Variants in PJVK observed in about 807,000 individuals in gnomAD.
The protein encoded by PJVK is autosomal recessive deafness type 59 protein.
Under a neutral mutation model 37.6 loss-of-function variants are expected in PJVK, and 33 were observed. That is an observed-to-expected ratio of 0.88 (90% CI 0.67 to 1.17). PJVK has a LOEUF of 1.17. PJVK is among the 50% of genes most tolerant of loss of function. PJVK has a pLI of 0.00. For missense variants in PJVK, 410 were observed against 413.8 expected, an observed-to-expected ratio of 0.99 and a Z score of 0.08; for synonymous variants, 141 against 143.5, an observed-to-expected ratio of 0.98 and a Z score of 0.13.
chr2:178,455,672 A>G (rs1684015916), intron 3 of PJVK, among the ~76,000 whole-genome samples: 1 of 152,166 alleles, frequency 6.6e-6, no homozygotes, highest in Admixed American at 6.5e-5. Context: ...CTTGGCTTAA[A>G]CAAAACTTTT....
chr2:178,457,110 A>G (rs1684157157), intron 4 of PJVK, among the ~76,000 whole-genome samples: 1 of 152,144 alleles, frequency 6.6e-6, no homozygotes, highest in Non-Finnish European at 1.5e-5. Context: ...CTGGGACTAC[A>G]GGCACCTGCC....
In PJVK at chr2:178,461,437, T is replaced by A; in HGVS notation, c.*163T>A. On this transcript the variant is annotated 3_prime_UTR_variant, in exon 7 of 7. Transcript: ENST00000644580. ...TTCCCTATCTATAAAGTAGCAATTATAACAGTAGTGTCTATTTCTTAAGTT... is the reference window on the plus strand; with the variant it reads ...TTCCCTATCTATAAAGTAGCAATTAAAACAGTAGTGTCTATTTCTTAAGTT... The A allele has an allele frequency of 1.5e-6, 1 of 681,476 alleles. No homozygotes were observed. Among genetic ancestry groups the A allele is most frequent in the South Asian group, 1.9e-5 (1 of 53,160 alleles). The allele number at this position is 681,476 out of a possible 1,614,324, so 42.2% of individuals were successfully genotyped here.
Position 178,460,390 on chromosome 2 carries a change from A to T in PJVK, c.710A>T (p.Glu237Val). 6.2e-7 allele frequency: 1 copy of T among 1,614,168 alleles called. No homozygotes were observed. Among genetic ancestry groups the T allele is most frequent in the Non-Finnish European group, 8.5e-7 (1 of 1,180,012 alleles). Reference protein sequence around the residue: ...TSVSKGGFEREETATFALLYR... With the variant: ...TSVSKGGFERVETATFALLYR... ...GTGTCAAAAGGAGGATTTGAAAGGG[A>T]AGAAACGGCAACATTTGCACTGCTG... Residue 237 changes from glutamate (E) to valine (V), a missense_variant, in exon 6 of 7, where the codon GAA becomes GTA. Coordinates refer to ENST00000644580, the MANE Select transcript of PJVK (RefSeq NM_001042702.5).
At chr2:178,455,862 T>G (rs562554759) in intron 3 of PJVK, 148 bp from the exon 4 acceptor site, 1 of 837,328 alleles carries the variant, frequency 1.2e-6, no homozygotes, top group African/African-American at 1.7e-5. Flanking sequence ...TTATTACATT[T>G]CTTTTGGGTG....
intron 1 of PJVK, 35 bp from the exon 2 acceptor site, chr2:178,453,353 T>C: frequency 6.3e-7 from 1 of 1,575,208 alleles, no homozygotes; most frequent in Non-Finnish European, 8.7e-7. Flanking sequence ...TGCCTGATTT[T>C]CCTCTTTAAA....
intron 5 of PJVK, among the ~76,000 whole-genome samples, chr2:178,459,490 C>T (rs1240837070): frequency 1.3e-5 from 2 of 152,100 alleles, no homozygotes; most frequent in Non-Finnish European, 2.9e-5. Flanking sequence ...ATAATCACAT[C>T]ATGGAAAATG....
At position 178,454,448 on chromosome 2, in the gene PJVK, A is replaced by G. The variant is rs372634776; in HGVS notation, c.328A>G (p.Ile110Val). The change falls in exon 3 of 7, where the codon ATT (isoleucine) becomes GTT (valine). Residue 110 changes from isoleucine to valine, a missense_variant. Transcript: ENST00000644580. ...VGINVAGSDS[I>V]AVKASFGIVT... ...GATTAACGTTGCTGGATCAGATTCCATTGCAGTGAAAGCTTCATTTGGTAT... is the reference window on the plus strand; with the variant it reads ...GATTAACGTTGCTGGATCAGATTCCGTTGCAGTGAAAGCTTCATTTGGTAT... 1.2e-6 allele frequency: 2 copies of G among 1,613,904 alleles called. No homozygotes were observed. The highest frequency in any genetic ancestry group is 2.2e-5 in the East Asian group (1 of 44,842).
At position 178,457,216 on chromosome 2, in the gene PJVK, G is replaced by T. The variant is rs957673399; in HGVS notation, c.549+1065G>T. 2.6e-5 allele frequency among the ~76,000 whole-genome samples: 4 copies of T among 152,322 alleles called. No homozygotes were observed. The East Asian group carries it at 5.8e-4, about 22-fold the overall frequency. On this transcript the variant is annotated intron_variant, in intron 4 of 6. Transcript: ENST00000644580. ...CAAAATGCTGGGATTACAGGTGTGA[G>T]CCACCGCGCCTGGCCTGAATTTATA...
intron 2 of PJVK, 49 bp from the exon 3 acceptor site, chr2:178,454,283 C>G: frequency 6.7e-7 from 1 of 1,494,234 alleles, no homozygotes; most frequent in Non-Finnish European, 9.2e-7. Flanking sequence ...TATATATAAT[C>G]TACATAAGAT....
rs115566439 is a variant in PJVK, at chr2:178,454,675, C to T, written c.407+148C>T. ...GTTTGAAATACATTGGTAGTATATC[C>T]AAACTTTGAATAAGGATAGATATCA... On this transcript the variant is annotated intron_variant, in intron 3 of 6. Transcript: ENST00000644580. The T allele has an allele frequency of 2.1e-6, 3 of 1,449,254 alleles. No individual in the cohort carries two copies. The African/African-American group carries it at 4.3e-5, about 21-fold the overall frequency. The allele number at this position is 1,449,254 out of a possible 1,614,324, so 89.8% of individuals were successfully genotyped here.
chr2:178,451,914 G>C (rs1357803493), intron 1 of PJVK, 145 bp downstream of exon 1: 12 of 889,628 alleles, frequency 1.3e-5, no homozygotes, highest in African/African-American at 1.8e-5. Context: ...GGCTTGCTAG[G>C]CACTAGCAGA....
chr2:178,451,382 A>T lies in PJVK; in HGVS notation c.-410A>T, dbSNP rs1697648939. 3.0e-6 allele frequency: 1 copy of T among 335,472 alleles called. No individual in the cohort carries two copies. Among genetic ancestry groups the T allele is most frequent in the African/African-American group, 2.2e-5 (1 of 45,280 alleles). The allele number at this position is 335,472 out of a possible 1,614,324, so 20.8% of individuals were successfully genotyped here. ...GCGCCCGCCCCTGCCGGCCCTGACCAGCCTGTAGTAACTGGCCCCTAGGCC... is the reference window on the plus strand; with the variant it reads ...GCGCCCGCCCCTGCCGGCCCTGACCTGCCTGTAGTAACTGGCCCCTAGGCC... On this transcript the variant is annotated 5_prime_UTR_variant, in exon 1 of 7. Coordinates refer to ENST00000644580, the MANE Select transcript of PJVK (RefSeq NM_001042702.5).
intron 4 of PJVK, 95 bp downstream of exon 4, chr2:178,456,246 G>T: frequency 6.7e-7 from 1 of 1,493,746 alleles, no homozygotes; most frequent in African/African-American, 1.4e-5. Flanking sequence ...TGTATTTTGT[G>T]AAATGTTCTG....
At chr2:178,456,970 T>G (rs535000087) in intron 4 of PJVK, among the ~76,000 whole-genome samples, 1 of 152,190 alleles carries the variant, frequency 6.6e-6, no homozygotes, top group South Asian at 2.1e-4. Flanking sequence ...AAAGCTGAAT[T>G]TATAGATTTT....
In PJVK at chr2:178,451,467, T is replaced by G; in HGVS notation, c.-325T>G. 1.1e-5 allele frequency: 2 copies of G among 179,200 alleles called. No individual in the cohort carries two copies. The highest frequency in any genetic ancestry group is 1.0e-4 in the South Asian group (1 of 9,600). 11.1% of individuals were successfully genotyped at this position (179,200 alleles called of 1,614,324 possible). A position where few individuals can be genotyped will look rare whatever the true frequency, so the allele number is the denominator to read the frequency against. On this transcript the variant is annotated 5_prime_UTR_variant, in exon 1 of 7. In the 5' UTR this introduces an upstream ATG that the reference lacks. Transcript: ENST00000644580. ...GCCGGGAGAGAGGGATTAGAGGGAT[T>G]GTCCGGCGTGGGTCTAGGGTCGTTG...
Position 178,454,432 on chromosome 2 carries a change from T to A in PJVK, c.312T>A (p.Val104=). The change falls in exon 3 of 7, where the codon GTT becomes GTA. Residue 104 remains valine (V), a synonymous_variant. Coordinates refer to ENST00000644580, the MANE Select transcript of PJVK (RefSeq NM_001042702.5). ...TTGTAAATGACGTTGGGATTAACGTTGCTGGATCAGATTCCATTGCAGTGA... is the reference window on the plus strand; with the variant it reads ...TTGTAAATGACGTTGGGATTAACGTAGCTGGATCAGATTCCATTGCAGTGA... ...NHIVNDVGIN[V]AGSDSIAVKA... 6.2e-7 allele frequency: 1 copy of A among 1,614,070 alleles called. No homozygotes were observed. The highest frequency in any genetic ancestry group is 8.5e-7 in the Non-Finnish European group (1 of 1,179,986).
At chr2:178,453,305 G>A in intron 1 of PJVK, 83 bp from the exon 2 acceptor site, 1 of 1,144,424 alleles carries the variant, frequency 8.7e-7, no homozygotes, top group Non-Finnish European at 1.3e-6. Flanking sequence ...TTTTTAAGAT[G>A]TATAATTATA....
intron 1 of PJVK, chr2:178,452,165 C>T (rs1401051739): frequency 1.2e-5 from 5 of 430,254 alleles, no homozygotes; most frequent in African/African-American, 2.2e-5. Context: ...TGGTGGCATG[C>T]GCCTGTAATC....
rs746778669 is a variant in PJVK, at chr2:178,461,265, G to A, written c.1050G>A (p.Arg350=). 6.2e-7 allele frequency: 1 copy of A among 1,614,028 alleles called. No homozygotes were observed. Among genetic ancestry groups the A allele is most frequent in the South Asian group, 1.1e-5 (1 of 91,078 alleles). ...AVPCFDIWHK[R]MK ...CTTGTTTTGATATTTGGCACAAGAG[G>A]ATGAAATAAAATGAAAAATGAATAC... The change falls in exon 7 of 7, where the codon AGG becomes AGA. Residue 350 remains arginine (R), a synonymous_variant. Coordinates refer to ENST00000644580, the MANE Select transcript of PJVK (RefSeq NM_001042702.5).
Sources: gnomAD v4.1 joint callset for allele counts (sites outside exome capture counted in the v4.1 genomes callset) on GRCh38, gnomAD v4.1.1 for gene constraint, MANE v1.5 for transcripts, NCBI Gene and HGNC (gene_info 2026-07-23, HGNC 2026-07-21) for gene names.